NIPAL1: variants seen among roughly 807,000 people sequenced by gnomAD.
NIPAL1 encodes magnesium transporter NIPA3.
NIPAL1 carries 35 observed loss-of-function variants against 37.7 expected under a neutral mutation model. The ratio of observed to expected loss-of-function variants is 0.93; its 90% confidence interval spans 0.71 to 1.23. The LOEUF is 1.23. NIPAL1 is among the 50% of genes most tolerant of loss of function. NIPAL1 has a pLI of 0.00. For synonymous variants in NIPAL1, 162 were observed against 183.0 expected (o/e 0.89, Z 0.93); for missense variants, 412 against 473.9 (o/e 0.87, Z 1.21).
chr4:48,021,178 A>G (rs1715559861), intron 1 of NIPAL1, among the ~76,000 whole-genome samples: 1 of 152,186 alleles, frequency 6.6e-6, no homozygotes, highest in South Asian at 2.1e-4. Flanking sequence ...AGTTTCTTTA[A>G]AATATCTCTC....
rs550368623 is a variant in NIPAL1, at chr4:48,039,147, C to G, written c.*2975C>G. ...AGATCACAAGGACAGGAGTTCAAGACCAGCCTGGCCAACATGGTGAAACCC... is the reference window on the plus strand; with the variant it reads ...AGATCACAAGGACAGGAGTTCAAGAGCAGCCTGGCCAACATGGTGAAACCC... On this transcript the variant is annotated 3_prime_UTR_variant, in exon 6 of 6. Transcript: ENST00000295461. The G allele has an allele frequency of 2.0e-5, 3 of 152,170 alleles. No individual in the cohort carries two copies. In the East Asian group the frequency reaches 5.8e-4, roughly 29 times the overall value. The allele number at this position is 152,170 out of a possible 1,614,324, so 9.4% of individuals were successfully genotyped here. A position where few individuals can be genotyped will look rare whatever the true frequency, so the allele number is the denominator to read the frequency against.
At chr4:48,023,197 A>G (rs1216950773) in intron 1 of NIPAL1, among the ~76,000 whole-genome samples, 1 of 152,118 alleles carries the variant, frequency 6.6e-6, no homozygotes, top group East Asian at 1.9e-4. Context: ...AGGGTGAGCC[A>G]CCATGTCCAA....
At chr4:48,029,432 G>C (rs997588994) in intron 2 of NIPAL1, among the ~76,000 whole-genome samples, 16 of 152,016 alleles carry the variant, frequency 1.1e-4, no homozygotes, top group African/African-American at 3.9e-4. Context: ...AAGGTGGGAG[G>C]GTAAAAGGGT....
intron 1 of NIPAL1, among the ~76,000 whole-genome samples, chr4:48,021,111 G>A (rs1234020414): frequency 1.3e-5 from 2 of 151,872 alleles, no homozygotes; most frequent in Admixed American, 6.6e-5. Flanking sequence ...TGGGTTACTT[G>A]GCCCTGGTTT....
chr4:48,033,915 TTGTCTA>T (rs1329830505), intron 4 of NIPAL1, among the ~76,000 whole-genome samples: 1 of 152,196 alleles, frequency 6.6e-6, no homozygotes, highest in African/African-American at 2.4e-5. Context: ...CTTCAAACAC[TTGTCTA>T]TGCAATGAAT....
intron 1 of NIPAL1, among the ~76,000 whole-genome samples, chr4:48,020,178 T>A (rs751598426): frequency 1.1e-4 from 16 of 152,108 alleles, no homozygotes; most frequent in Non-Finnish European, 2.2e-4. Flanking sequence ...AGATTAGTGT[T>A]TCAGAGAGGG....
chr4:48,029,885 GA>G (rs56823786), intron 2 of NIPAL1, among the ~76,000 whole-genome samples: 50,557 of 151,808 alleles, frequency 0.33, 8,669 homozygotes, highest in South Asian at 0.48. Flanking sequence ...CAGAAACACG[GA>G]AAAAAATCTA....
chr4:48,035,603 G>A lies in NIPAL1; in HGVS notation c.664G>A (p.Val222Met). The A allele has an allele frequency of 6.2e-7, 1 of 1,613,262 alleles. No homozygotes were observed. The highest frequency in any genetic ancestry group is 8.5e-7 in the Non-Finnish European group (1 of 1,179,678). The change falls in exon 6 of 6, where the codon GTG (valine) becomes ATG (methionine). Residue 222 changes from valine (V) to methionine (M), a missense_variant. Transcript: ENST00000295461. ...TGTGATCATAACTGTGATCTCCTTG[G>A]TGCTGATTTTGATTGTGGCTCCCAA... ...FAVIITVISL[V>M]LILIVAPKKG...
In NIPAL1 at chr4:48,040,080, A is replaced by C. The variant is rs1264320117; in HGVS notation, c.*3908A>C. The C allele has an allele frequency of 6.6e-6, 1 of 152,220 alleles. No individual in the cohort carries two copies. Among genetic ancestry groups the C allele is most frequent in the Non-Finnish European group, 1.5e-5 (1 of 68,040 alleles). The allele number at this position is 152,220 out of a possible 1,614,324, so 9.4% of individuals were successfully genotyped here. A position where few individuals can be genotyped will look rare whatever the true frequency, so the allele number is the denominator to read the frequency against. ...GAATAAACTGTTCATGAAGCCTTAT[A>C]TTTTGCAAGTGTTTTTACTGTTGAT... On this transcript the variant is annotated 3_prime_UTR_variant, in exon 6 of 6. Transcript: ENST00000295461.
intron 2 of NIPAL1, among the ~76,000 whole-genome samples, chr4:48,029,824 T>C (rs916539227): frequency 1.3e-5 from 2 of 152,184 alleles, no homozygotes; most frequent in African/African-American, 4.8e-5. Context: ...ATCATTCCAG[T>C]GTTGCAAAGG....
Position 48,035,814 on chromosome 4 carries a change from A to G in NIPAL1, c.875A>G (p.Asn292Ser), listed in dbSNP as rs1373383751. 1 of 1,614,068 alleles carries G rather than the reference A, an allele frequency of 6.2e-7. No homozygotes were observed. Among genetic ancestry groups the G allele is most frequent in the African/African-American group, 1.3e-5 (1 of 74,934 alleles). ...GTGCTTTCAGTAACTACACAGATTAACTATCTCAACAAGGCACTGGACACC... is the reference window on the plus strand; with the variant it reads ...GTGCTTTCAGTAACTACACAGATTAGCTATCTCAACAAGGCACTGGACACC... The part of the protein sequence containing the change: ...VLVLSVTTQI[N>S]YLNKALDTFN... Residue 292 changes from asparagine to serine, a missense_variant, in exon 6 of 6, where the codon AAC becomes AGC. By Grantham distance (46) the Asn-to-Ser change is conservative (BLOSUM62 1). Coordinates refer to ENST00000295461, the MANE Select transcript of NIPAL1 (RefSeq NM_207330.3).
At chr4:48,035,478 C>G (rs2109373107) in intron 5 of NIPAL1, 84 bp from the exon 6 acceptor site, 6 of 1,293,534 alleles carry the variant, frequency 4.6e-6, no homozygotes, top group Admixed American at 2.2e-5. Context: ...TACCTATGCT[C>G]TTAAACTCAT....
At chr4:48,034,464 T>G (rs1715882595) in intron 4 of NIPAL1, among the ~76,000 whole-genome samples, 1 of 152,230 alleles carries the variant, frequency 6.6e-6, no homozygotes. Context: ...ACTAGCTGAT[T>G]ATTAGCCCTG....
At position 48,033,091 on chromosome 4, in the gene NIPAL1, A is replaced by G. The variant is rs1306736414; in HGVS notation, c.461+8A>G. The G allele has an allele frequency of 6.3e-7, 1 of 1,576,912 alleles. No homozygotes were observed. Among genetic ancestry groups the G allele is most frequent in the Admixed American group, 1.7e-5 (1 of 59,366 alleles). ...TTTGAGTGTTCTCATAAGGTATGTGAGCAACAGGGAACTTGGCTTCTGTAG... is the reference window on the plus strand; with the variant it reads ...TTTGAGTGTTCTCATAAGGTATGTGGGCAACAGGGAACTTGGCTTCTGTAG... On this transcript the variant is annotated splice_region_variant and intron_variant, in intron 4 of 5. Transcript: ENST00000295461.
At chr4:48,033,615 CT>C (rs1715866640) in intron 4 of NIPAL1, among the ~76,000 whole-genome samples, 1 of 152,114 alleles carries the variant, frequency 6.6e-6, no homozygotes, top group South Asian at 2.1e-4. Flanking sequence ...CACTACAATT[CT>C]TGCATTGTTT....
rs1246075200 is a variant in NIPAL1, at chr4:48,039,795, G to A, written c.*3623G>A. ...TTGAATCAACATTTGAATTCTTACA[G>A]TCTTGTCACTAGAGACTTAAAAGGA... is the stretch of plus-strand genomic sequence containing the variant. On this transcript the variant is annotated 3_prime_UTR_variant, in exon 6 of 6. Coordinates refer to ENST00000295461, the MANE Select transcript of NIPAL1 (RefSeq NM_207330.3). The A allele has an allele frequency of 6.6e-6, 1 of 152,158 alleles. No individual in the cohort carries two copies. The highest frequency in any genetic ancestry group is 2.4e-5 in the African/African-American group (1 of 41,446). The allele number at this position is 152,158 out of a possible 1,614,324, so 9.4% of individuals were successfully genotyped here. A position where few individuals can be genotyped will look rare whatever the true frequency, so the allele number is the denominator to read the frequency against.
chr4:48,035,386 G>C (rs1240048243), intron 5 of NIPAL1, among the ~76,000 whole-genome samples, 176 bp from the exon 6 acceptor site: 4 of 152,192 alleles, frequency 2.6e-5, no homozygotes, highest in African/African-American at 9.6e-5. Context: ...TAAATGATAT[G>C]TTTGTGAAAA....
At chr4:48,025,838 G>GCTTTTCTCCCCATCACCTA (rs1560323187) in intron 2 of NIPAL1, among the ~76,000 whole-genome samples, 1 of 152,044 alleles carries the variant, frequency 6.6e-6, no homozygotes, top group Non-Finnish European at 1.5e-5. Context: ...ACTTCCTCTT[G>GCTTTTCTCCCCATCACCTA]CTTTTCTCCC....
intron 4 of NIPAL1, 26 bp from the exon 5 acceptor site, chr4:48,034,855 A>ATTTTTAATTT: frequency 6.3e-7 from 1 of 1,591,184 alleles, no homozygotes; most frequent in Non-Finnish European, 8.6e-7. Context: ...AGCTATAGTG[A>ATTTTTAATTT]TTTTTAATTT....
Sources: allele counts gnomAD v4.1 joint callset (sites outside exome capture counted in the v4.1 genomes callset), GRCh38; gene constraint gnomAD v4.1.1; transcripts MANE v1.5; gene names NCBI Gene and HGNC (gene_info 2026-07-23, HGNC 2026-07-21).